The following PLEKHA5 variants were observed in gnomAD, a reference collection of about 807,000 sequenced individuals.
PLEKHA5 encodes pleckstrin homology domain-containing family A member 5.
A neutral mutation model predicts 181.9 loss-of-function variants in PLEKHA5; 55 were observed. The observed-to-expected ratio is 0.30, with a 90% CI of 0.24 to 0.38. PLEKHA5 has a LOEUF of 0.38. Ranked by LOEUF, PLEKHA5 falls within the 10% of genes least tolerant of loss-of-function variation. PLEKHA5 has a pLI of 1.00. For synonymous variants in PLEKHA5, 535 were observed against 529.4 expected (o/e 1.01, Z -0.15); for missense variants, 1,432 against 1,549.5 (o/e 0.92, Z 1.27).
chr12:19,175,146 A>G (rs1285911504), intron 3 of PLEKHA5, among the ~76,000 whole-genome samples: 5 of 152,218 alleles, frequency 3.3e-5, no homozygotes, highest in Admixed American at 1.3e-4. Flanking sequence ...GAATATCCCT[A>G]TGTTAGTGAA....
intron 3 of PLEKHA5, among the ~76,000 whole-genome samples, chr12:19,165,830 G>A (rs2044233696): frequency 6.6e-6 from 1 of 152,164 alleles, no homozygotes; most frequent in South Asian, 2.1e-4. Flanking sequence ...ACAATGAGCA[G>A]TTTTGAAGAA....
intron 30 of PLEKHA5, among the ~76,000 whole-genome samples, chr12:19,366,896 T>G (rs1375717603): frequency 6.6e-6 from 1 of 152,184 alleles, no homozygotes; most frequent in Non-Finnish European, 1.5e-5. Flanking sequence ...TCTCTCATAT[T>G]TTTTGGACTC....
intron 28 of PLEKHA5, among the ~76,000 whole-genome samples, chr12:19,360,442 C>T (rs922351582): frequency 2.6e-5 from 4 of 151,622 alleles, no homozygotes; most frequent in Non-Finnish European, 5.9e-5. Context: ...CCCATATCTA[C>T]TAAAAAATAC....
At chr12:19,132,804 G>GTTTTTTTTTTT in intron 3 of PLEKHA5, among the ~76,000 whole-genome samples, 1 of 93,978 alleles carries the variant, frequency 1.1e-5, no homozygotes. Context: ...GTGCTTCTGT[G>GTTTTTTTTTTT]TATATTCCTG....
At chr12:19,176,793 TA>T (rs1346584327) in intron 3 of PLEKHA5, among the ~76,000 whole-genome samples, 1 of 152,182 alleles carries the variant, frequency 6.6e-6, no homozygotes, top group Non-Finnish European at 1.5e-5. Flanking sequence ...ATATGCTACA[TA>T]ATGTTTTGAA....
chr12:19,136,430 G>A (rs956463617), intron 3 of PLEKHA5, among the ~76,000 whole-genome samples: 25 of 152,062 alleles, frequency 1.6e-4, no homozygotes, highest in African/African-American at 3.9e-4. Flanking sequence ...TAAATATTCC[G>A]TATTCTTATG....
intron 8 of PLEKHA5, among the ~76,000 whole-genome samples, chr12:19,267,650 ACT>A (rs1392333024): frequency 7.4e-6 from 1 of 134,848 alleles, no homozygotes; most frequent in Non-Finnish European, 1.5e-5. Flanking sequence ...ACAGAGTAAG[ACT>A]CCCTCCCTCC....
chr12:19,312,031 C>T (rs1257798494), intron 15 of PLEKHA5, among the ~76,000 whole-genome samples: 1 of 152,208 alleles, frequency 6.6e-6, no homozygotes, highest in East Asian at 1.9e-4. Flanking sequence ...AAACCACATT[C>T]ATCCACTTAC....
intron 14 of PLEKHA5, among the ~76,000 whole-genome samples, chr12:19,291,023 C>T (rs546803052): frequency 1.3e-5 from 2 of 152,248 alleles, no homozygotes; most frequent in South Asian, 4.2e-4. Flanking sequence ...ACCCCACCCG[C>T]TCACCCACTG....
chr12:19,251,133 C>T (rs192704079), intron 3 of PLEKHA5, among the ~76,000 whole-genome samples: 13 of 152,110 alleles, frequency 8.5e-5, no homozygotes, highest in East Asian at 7.7e-4. Flanking sequence ...AGGCCTGGTG[C>T]GGTGGCTCAC....
chr12:19,196,013 T>A lies in PLEKHA5; in HGVS notation c.228-57927T>A, dbSNP rs1055109767. Among the ~76,000 whole-genome samples the A allele has an allele frequency of 5.9e-5, 9 of 152,318 alleles. No individual in the cohort carries two copies. The South Asian group carries it at 6.2e-4, about 11-fold the overall frequency. On this transcript the variant is annotated intron_variant, in intron 3 of 31. Coordinates refer to ENST00000429027, the MANE Select transcript of PLEKHA5 (RefSeq NM_001256470.2). The stretch of plus-strand genomic sequence containing the variant: ...TGGTGTTTGCCTTACCTACACTAAT[T>A]GAGATGATTGAAGTGTATCTAGTTT...
At chr12:19,164,161 G>A (rs76971706) in intron 3 of PLEKHA5, among the ~76,000 whole-genome samples, 5,454 of 143,970 alleles carry the variant, frequency 0.038, 239 homozygotes, top group East Asian at 0.2. Flanking sequence ...CCTCATTCTT[G>A]ATATTTTCCC....
chr12:19,272,166 A>G (rs999961055), intron 10 of PLEKHA5, among the ~76,000 whole-genome samples: 1 of 150,848 alleles, frequency 6.6e-6, no homozygotes, highest in Non-Finnish European at 1.5e-5. Context: ...TGGCCCAAAG[A>G]AAAAAAAATC....
At chr12:19,315,193 G>A (rs1004366397) in intron 16 of PLEKHA5, among the ~76,000 whole-genome samples, 5 of 152,046 alleles carry the variant, frequency 3.3e-5, no homozygotes, top group African/African-American at 9.7e-5. Context: ...AAAATTACTA[G>A]ATTTTCATAT....
At chr12:19,273,452 C>T (rs2073641438) in intron 10 of PLEKHA5, among the ~76,000 whole-genome samples, 1 of 151,740 alleles carries the variant, frequency 6.6e-6, no homozygotes, top group Non-Finnish European at 1.5e-5. Flanking sequence ...TATAGATCTA[C>T]ATCCTTTCCA....
At chr12:19,142,658 A>G (rs1204360980) in intron 3 of PLEKHA5, among the ~76,000 whole-genome samples, 2 of 152,212 alleles carry the variant, frequency 1.3e-5, no homozygotes, top group Non-Finnish European at 2.9e-5. Flanking sequence ...AAATCGTTAC[A>G]GTAGTCAATC....
intron 3 of PLEKHA5, chr12:19,200,332 G>C (rs2053921584): frequency 6.5e-7 from 1 of 1,529,528 alleles, no homozygotes; most frequent in East Asian, 2.5e-5. Context: ...CAGCTGAATA[G>C]ATTTCCTTTT....
chr12:19,212,497 AT>A (rs1387906680), intron 3 of PLEKHA5, among the ~76,000 whole-genome samples: 3 of 152,156 alleles, frequency 2.0e-5, no homozygotes, highest in Admixed American at 2.0e-4. Context: ...TCTGGCCAAC[AT>A]GGTGATATCT....
chr12:19,246,460 T>A (rs1393973495), intron 3 of PLEKHA5, among the ~76,000 whole-genome samples: 1 of 151,412 alleles, frequency 6.6e-6, no homozygotes, highest in Non-Finnish European at 1.5e-5. Flanking sequence ...GCATCTCTAC[T>A]AAAAATACAA....
Sources: gnomAD v4.1 joint callset for allele counts (sites outside exome capture counted in the v4.1 genomes callset) on GRCh38, gnomAD v4.1.1 for gene constraint, MANE v1.5 for transcripts, NCBI Gene and HGNC (gene_info 2026-07-23, HGNC 2026-07-21) for gene names.